PHF3: variants seen among roughly 807,000 people sequenced by gnomAD.
PHF3 encodes PHD finger protein 3.
A neutral mutation model predicts 178.4 loss-of-function variants in PHF3; 41 were observed. That is an observed-to-expected ratio of 0.23 (90% CI 0.18 to 0.30). The LOEUF is 0.30. Among genes scored for constraint, PHF3 ranks in the 10% least tolerant of loss-of-function variants. PHF3 has a pLI of 1.00. For synonymous variants in PHF3, 842 were observed against 800.5 expected (o/e 1.05, Z -0.88); for missense variants, 2,346 against 2,398.1 (o/e 0.98, Z 0.45).
In PHF3 at chr6:63,703,678, G is replaced by A; in HGVS notation, c.3367+7G>A. Reference sequence around the variant, plus strand: ...AACTGCAAAATCTGCATAGGTAATTGGAAGTTTTTCTTCGTAAAATTTTGC... The same window carrying A: ...AACTGCAAAATCTGCATAGGTAATTAGAAGTTTTTCTTCGTAAAATTTTGC... On this transcript the variant is annotated splice_region_variant and intron_variant, in intron 11 of 15. Coordinates refer to ENST00000262043, the MANE Select transcript of PHF3 (RefSeq NM_001370348.2). 1 of 1,584,220 alleles carries A rather than the reference G, an allele frequency of 6.3e-7. No individual in the cohort carries two copies. The highest frequency in any genetic ancestry group is 8.5e-7 in the Non-Finnish European group (1 of 1,171,250).
chr6:63,658,764 CGA>C (rs374928745), intron 2 of PHF3, among the ~76,000 whole-genome samples: 2 of 135,898 alleles, frequency 1.5e-5, no homozygotes, highest in East Asian at 2.1e-4. Context: ...GTGTTTATAA[CGA>C]GAGAGAGAGG....
At chr6:63,705,906 A>C in intron 11 of PHF3, 123 bp from the exon 12 acceptor site, 1 of 691,154 alleles carries the variant, frequency 1.4e-6, no homozygotes, top group Non-Finnish European at 2.4e-6. Flanking sequence ...ATATAACCCC[A>C]GGAAATGTAT....
rs1269274624 is a variant in PHF3 at position 63,718,848 on chromosome 6, T to TA, written c.*5143dup. On this transcript the variant is annotated 3_prime_UTR_variant, in exon 16 of 16. Transcript: ENST00000262043. ...CATAAAACAGCCTTCTTTTTATACA[T>TA]AAAGTATGTTTTCTGAAAGGTTAGA... Among the ~76,000 whole-genome samples, 5 of 152,146 alleles carry TA rather than the reference T, an allele frequency of 3.3e-5. No homozygotes were observed. Among genetic ancestry groups the TA allele is most frequent in the African/African-American group, 7.2e-5 (3 of 41,554 alleles).
At chr6:63,694,841 G>A (rs970057836) in intron 6 of PHF3, 77 bp downstream of exon 6, 68 of 879,260 alleles carry the variant, frequency 7.7e-5, no homozygotes, top group Non-Finnish European at 9.5e-5. Context: ...AGTATACTTA[G>A]GGAATTTTTA....
Position 63,712,192 on chromosome 6 carries a change from A to G in PHF3, c.4604A>G (p.Asp1535Gly), listed in dbSNP as rs770658337. 1.4e-5 allele frequency: 23 copies of G among 1,613,814 alleles called. No individual in the cohort carries two copies. Among genetic ancestry groups the G allele is most frequent in the Non-Finnish European group, 1.9e-5 (23 of 1,179,836 alleles). ...GTAGATAATATTTCAGAATCTACAG[A>G]TAAGTCAGCAGAAATAGAAACATCA... ...VKVDNISEST[D>G]KSAEIETSVV... Residue 1535 changes from aspartate to glycine, a missense_variant, in exon 16 of 16, where the codon GAT (aspartate) becomes GGT (glycine). Around this residue, in one of 8 missense-constraint regions of PHF3, gnomAD observed 839 missense variants for 806.9 expected, o/e 1.04. Transcript: ENST00000262043.
chr6:63,654,734 T>C (rs781604479), intron 2 of PHF3, among the ~76,000 whole-genome samples: 1 of 152,126 alleles, frequency 6.6e-6, no homozygotes, highest in Admixed American at 6.6e-5. Context: ...AGGCAGAGTT[T>C]AAGTGGCTAA....
At chr6:63,638,167 G>T (rs1167175184) in intron 1 of PHF3, among the ~76,000 whole-genome samples, 2 of 152,086 alleles carry the variant, frequency 1.3e-5, no homozygotes, top group Non-Finnish European at 2.9e-5. Flanking sequence ...TTCAAACTAT[G>T]TTATTAAAAT....
chr6:63,646,152 C>T (rs1459553060), intron 1 of PHF3, among the ~76,000 whole-genome samples: 16 of 151,972 alleles, frequency 1.1e-4, no homozygotes. Context: ...GTGTCTGATG[C>T]TTAATTTGTG....
intron 8 of PHF3, among the ~76,000 whole-genome samples, chr6:63,700,138 T>TATATGTTG (rs59158715): frequency 0.038 from 5,837 of 152,254 alleles, 385 homozygotes; most frequent in African/African-American, 0.13. Context: ...TGCTTCTCCA[T>TATATGTTG]ATATGTTGAT....
chr6:63,720,204 A>G lies in PHF3; in HGVS notation c.*6496A>G, dbSNP rs1388894761. 1 of 258,002 alleles carries G rather than the reference A, an allele frequency of 3.9e-6. No homozygotes were observed. Among genetic ancestry groups the G allele is most frequent in the Non-Finnish European group, 7.3e-6 (1 of 137,344 alleles). The allele number at this position is 258,002 out of a possible 1,614,324, so 16.0% of individuals were successfully genotyped here. On this transcript the variant is annotated 3_prime_UTR_variant, in exon 16 of 16. Coordinates refer to ENST00000262043, the MANE Select transcript of PHF3 (RefSeq NM_001370348.2). ...CTTGATTTTTTTCTTATTTGTACCT[A>G]TCCCTAATTCATTCCCAACTGAATT... is the stretch of plus-strand genomic sequence containing the variant.
intron 2 of PHF3, among the ~76,000 whole-genome samples, chr6:63,678,053 T>C (rs191141161): frequency 7.7e-4 from 117 of 151,712 alleles, no homozygotes; most frequent in African/African-American, 2.3e-3. Flanking sequence ...CTAAACCCCG[T>C]CTCTACTAAA....
In PHF3 at chr6:63,646,806, CTTTTT is replaced by C. The variant is rs11285703; in HGVS notation, c.244+29_244+33del. 1.3e-3 allele frequency: 1,310 copies of C among 1,009,902 alleles called. No homozygotes were observed. Among genetic ancestry groups the C allele is most frequent in the East Asian group, 3.0e-3 (77 of 25,834 alleles). The allele number at this position is 1,009,902 out of a possible 1,614,324, so 62.6% of individuals were successfully genotyped here. The stretch of plus-strand genomic sequence containing the variant: ...TGCCTTGTTCAACAGGTAATTCTTA[CTTTTT>C]TTTTTTTTTTTTTTTTTAGTCTGCA... On this transcript the variant is annotated intron_variant, in intron 2 of 15. Transcript: ENST00000262043.
In PHF3 at chr6:63,711,346, G is replaced by A; in HGVS notation, c.3981G>A (p.Val1327=). The change falls in exon 15 of 16, where the codon GTG becomes GTA. Residue 1327 remains valine, a synonymous_variant. Coordinates refer to ENST00000262043, the MANE Select transcript of PHF3 (RefSeq NM_001370348.2). ...CAGATAAAATTCCACACCCTCTTGT[G>A]CCTTTTGATGGACCTGGTAGGTATA... is the stretch of plus-strand genomic sequence containing the variant. ...GATDKIPHPL[V]PFDGPGLELH... is the part of the protein sequence containing the mutation. 2.5e-6 allele frequency: 4 copies of A among 1,608,604 alleles called. No individual in the cohort carries two copies. In the South Asian group the frequency reaches 4.4e-5, roughly 18 times the overall value.
chr6:63,665,494 T>G (rs999672461), intron 2 of PHF3, among the ~76,000 whole-genome samples: 2 of 146,030 alleles, frequency 1.4e-5, no homozygotes, highest in African/African-American at 5.1e-5. Context: ...TTGTTTTTTT[T>G]TTTTTTTTTT....
intron 2 of PHF3, among the ~76,000 whole-genome samples, chr6:63,657,383 T>A (rs1251919794): frequency 6.6e-6 from 1 of 152,192 alleles, no homozygotes; most frequent in Admixed American, 6.5e-5. Flanking sequence ...TCCCCCAAAC[T>A]TAAGTACTAA....
chr6:63,707,584 GTATT>G (rs1422277212), intron 13 of PHF3, among the ~76,000 whole-genome samples: 1 of 152,066 alleles, frequency 6.6e-6, no homozygotes, highest in Non-Finnish European at 1.5e-5. Flanking sequence ...CATATATACT[GTATT>G]TATGTTGAGA....
At chr6:63,666,918 G>T (rs933553697) in intron 2 of PHF3, among the ~76,000 whole-genome samples, 1 of 151,832 alleles carries the variant, frequency 6.6e-6, no homozygotes, top group Non-Finnish European at 1.5e-5. Context: ...TGCCCAGCTA[G>T]TTTTTGTATT....
chr6:63,674,753 C>A (rs1458358676), intron 2 of PHF3, among the ~76,000 whole-genome samples: 1 of 152,052 alleles, frequency 6.6e-6, no homozygotes, highest in African/African-American at 2.4e-5. Flanking sequence ...ATGTTCTTTT[C>A]CCCCTCAAGT....
chr6:63,684,160 T>A lies in PHF3; in HGVS notation c.438T>A (p.Ile146=). The A allele has an allele frequency of 6.2e-7, 1 of 1,612,402 alleles. No homozygotes were observed. Among genetic ancestry groups the A allele is most frequent in the Non-Finnish European group, 8.5e-7 (1 of 1,179,400 alleles). The change falls in exon 4 of 16, where the codon ATT becomes ATA. Residue 146 remains isoleucine, a synonymous_variant. Transcript: ENST00000262043. The part of the protein sequence containing the change: ...EQVRSLRQST[I]AKRSNAAPLS... ...TAAGAAGTTTGCGACAGAGCACTAT[T>A]GCCAAGCGTTCAAATGCAGCACCAT...
Sources: allele counts gnomAD v4.1 joint callset (sites outside exome capture counted in the v4.1 genomes callset), GRCh38; gene constraint gnomAD v4.1.1; regional missense constraint gnomAD v4.1.1; transcripts MANE v1.5; gene names NCBI Gene and HGNC (gene_info 2026-07-23, HGNC 2026-07-21).